TMEM255B: variants seen among roughly 807,000 people sequenced by gnomAD.
TMEM255B encodes the protein family with sequence similarity 70, member B.
In TMEM255B, 35 loss-of-function variants were observed where a neutral mutation model predicts 34.5. That is an observed-to-expected ratio of 1.01 (90% confidence interval 0.77 to 1.34). The LOEUF is 1.34. Among genes scored for constraint, TMEM255B ranks in the 40% most tolerant of loss-of-function variants. The pLI, the probability that TMEM255B is intolerant of heterozygous loss-of-function variation, is 0.00. For synonymous variants in TMEM255B, 206 were observed against 201.2 expected, an observed-to-expected ratio of 1.02 and a Z score of -0.20; for missense variants, 432 against 433.2, an observed-to-expected ratio of 1.00 and a Z score of 0.02.
rs1279364817 is a variant in TMEM255B at position 113,814,882 on chromosome 13, G to T, written c.*2979G>T. 1 of 146,594 alleles carries T rather than the reference G, an allele frequency of 6.8e-6. No individual in the cohort carries two copies. Among genetic ancestry groups the T allele is most frequent in the Non-Finnish European group, 1.5e-5 (1 of 66,556 alleles). The allele number at this position is 146,594 out of a possible 1,614,324, so 9.1% of individuals were successfully genotyped here. On this transcript the variant is annotated 3_prime_UTR_variant, in exon 9 of 9. Transcript: ENST00000375353. ...GCAGGGGGTGCTGGGGGGTTTGGGG[G>T]TGCTGTGGCCCCGGGGCAGGGGGTG...
intron 2 of TMEM255B, chr13:113,766,607 G>T: frequency 2.8e-6 from 1 of 358,550 alleles, no homozygotes; most frequent in South Asian, 2.6e-5. Flanking sequence ...GGTGGAGGAG[G>T]GGCCAGGAGC....
chr13:113,768,484 C>A (rs1321515235), intron 2 of TMEM255B, among the ~76,000 whole-genome samples: 1 of 152,194 alleles, frequency 6.6e-6, no homozygotes, highest in Non-Finnish European at 1.5e-5. Flanking sequence ...CTCTGCCGGA[C>A]CCCTGGTGGC....
chr13:113,813,495 A>T lies in TMEM255B; in HGVS notation c.*1592A>T, dbSNP rs368690482. ...GGAGAAAAAAGATAAGGTGGAGGGGAGCCACACTCGTGCAGACACAGCCTC... is the reference window on the plus strand; with the variant it reads ...GGAGAAAAAAGATAAGGTGGAGGGGTGCCACACTCGTGCAGACACAGCCTC... On this transcript the variant is annotated 3_prime_UTR_variant, in exon 9 of 9. Transcript: ENST00000375353. 5 of 152,338 alleles carry T rather than the reference A, an allele frequency of 3.3e-5. No individual in the cohort carries two copies. The East Asian group carries it at 7.8e-4, about 24-fold the overall frequency. 9.4% of individuals were successfully genotyped at this position (152,338 alleles called of 1,614,324 possible).
At chr13:113,807,648 A>G (rs8002233) in intron 8 of TMEM255B, among the ~76,000 whole-genome samples, 4,242 of 83,748 alleles carry the variant, frequency 0.051, 370 homozygotes, top group African/African-American at 0.2. Context: ...TGTCACACGC[A>G]GGCTTACGGG....
In TMEM255B at chr13:113,782,684, C is replaced by CGG. The variant is rs1566729280; in HGVS notation, c.253-12464_253-12463insGG. 4.1e-4 allele frequency among the ~76,000 whole-genome samples: 57 copies of CGG among 137,376 alleles called. No homozygotes were observed. In the South Asian group the frequency reaches 0.013, roughly 32 times the overall value. 90.1% of individuals were successfully genotyped at this position (137,376 alleles called of 152,430 possible). A position where few individuals can be genotyped will look rare whatever the true frequency, so the allele number is the denominator to read the frequency against. The stretch of plus-strand genomic sequence containing the variant: ...CTCCTGTGATGGTCGGAGGGGGGGG[C>CGG]TTCATTATGAGCCCCACCTGAACGG... On this transcript the variant is annotated intron_variant, in intron 3 of 8. Coordinates refer to ENST00000375353, the MANE Select transcript of TMEM255B (RefSeq NM_182614.4).
chr13:113,778,588 G>A (rs1023378839), intron 3 of TMEM255B, among the ~76,000 whole-genome samples: 2 of 151,350 alleles, frequency 1.3e-5, no homozygotes, highest in African/African-American at 4.9e-5. Flanking sequence ...GTGGTACTGT[G>A]GCGTCTTCTC....
intron 3 of TMEM255B, among the ~76,000 whole-genome samples, chr13:113,794,029 T>C (rs1275652788): frequency 6.6e-6 from 1 of 152,208 alleles, no homozygotes; most frequent in Non-Finnish European, 1.5e-5. Flanking sequence ...TGGATTTGGC[T>C]TCTCTTTGGG....
chr13:113,777,972 G>A (rs1301103941), intron 3 of TMEM255B, among the ~76,000 whole-genome samples: 3 of 152,232 alleles, frequency 2.0e-5, no homozygotes, highest in African/African-American at 4.8e-5. Flanking sequence ...ACTGTGGACC[G>A]GTCAGGGCTG....
At chr13:113,791,228 C>T (rs1037952664) in intron 3 of TMEM255B, among the ~76,000 whole-genome samples, 1 of 152,216 alleles carries the variant, frequency 6.6e-6, no homozygotes. Context: ...AGGTGAACAT[C>T]TAGGGCCAGC....
chr13:113,762,392 C>T (rs994898317), intron 1 of TMEM255B, among the ~76,000 whole-genome samples: 2 of 152,160 alleles, frequency 1.3e-5, no homozygotes, highest in East Asian at 3.9e-4. Flanking sequence ...CCATTGCTCC[C>T]AGTGCCCCAT....
At chr13:113,785,109 G>A (rs554262423) in intron 3 of TMEM255B, among the ~76,000 whole-genome samples, 7 of 152,346 alleles carry the variant, frequency 4.6e-5, no homozygotes, top group South Asian at 4.1e-4. Context: ...GTTTCTGGTC[G>A]GAGGTGTCAT....
rs769435358 is a variant in TMEM255B, at chr13:113,801,752, C to CTGCA, written c.609_610insTGCA (p.Val204CysfsTer86). 6 of 1,613,012 alleles carry CTGCA rather than the reference C, an allele frequency of 3.7e-6. No homozygotes were observed. The South Asian group carries it at 6.6e-5, about 18-fold the overall frequency. The stretch of plus-strand genomic sequence containing the variant: ...TGCTCTGGGCCTCTGCAGTTCTGAA[C>CTGCA]GTCCTGGGCCTGTTCCTGGGCATCA... On this transcript the variant is annotated frameshift_variant, in exon 7 of 9. Coordinates refer to ENST00000375353, the MANE Select transcript of TMEM255B (RefSeq NM_182614.4). LOFTEE classifies it high-confidence loss of function.
At chr13:113,765,896 C>T (rs895280477) in intron 1 of TMEM255B, among the ~76,000 whole-genome samples, 5 of 152,176 alleles carry the variant, frequency 3.3e-5, no homozygotes, top group South Asian at 2.1e-4. Context: ...TAGGTTTGGC[C>T]GCAAATACCA....
At chr13:113,765,382 T>C (rs78799400) in intron 1 of TMEM255B, among the ~76,000 whole-genome samples, 1 of 152,360 alleles carries the variant, frequency 6.6e-6, no homozygotes, top group East Asian at 1.9e-4. Flanking sequence ...AGTGTAAATC[T>C]TCAGATGCGG....
chr13:113,783,472 C>G (rs1282998335), intron 3 of TMEM255B, among the ~76,000 whole-genome samples: 2 of 152,078 alleles, frequency 1.3e-5, no homozygotes, highest in African/African-American at 4.8e-5. Context: ...CAATGTCATG[C>G]CAAGTTAAAG....
chr13:113,761,975 G>A (rs1173082371), intron 1 of TMEM255B, among the ~76,000 whole-genome samples: 1 of 152,136 alleles, frequency 6.6e-6, no homozygotes, highest in African/African-American at 2.4e-5. Flanking sequence ...GACCCAGAAT[G>A]GTTTGGGTCC....
chr13:113,772,504 CT>C (rs1291001843), intron 3 of TMEM255B, among the ~76,000 whole-genome samples: 2 of 152,074 alleles, frequency 1.3e-5, no homozygotes, highest in Non-Finnish European at 2.9e-5. Context: ...TTTGAGTTAA[CT>C]TTTGCGTATG....
In TMEM255B at chr13:113,759,237, T is replaced by A; in HGVS notation, c.-33T>A. 8.2e-7 allele frequency: 1 copy of A among 1,226,928 alleles called. No homozygotes were observed. Among genetic ancestry groups the A allele is most frequent in the Non-Finnish European group, 1.0e-6 (1 of 984,834 alleles). 76.0% of individuals were successfully genotyped at this position (1,226,928 alleles called of 1,614,324 possible). A position where few individuals can be genotyped will look rare whatever the true frequency, so the allele number is the denominator to read the frequency against. On this transcript the variant is annotated 5_prime_UTR_variant, in exon 1 of 9. Coordinates refer to ENST00000375353, the MANE Select transcript of TMEM255B (RefSeq NM_182614.4). Reference sequence around the variant, plus strand: ...CGGCTCCTGGCGGCGGGACTGTGGCTGTGGCCCCGGGAGAGCCGGGTGGGG... The same window carrying A: ...CGGCTCCTGGCGGCGGGACTGTGGCAGTGGCCCCGGGAGAGCCGGGTGGGG...
In TMEM255B at chr13:113,811,853, G is replaced by T. The variant is rs556601780; in HGVS notation, c.931G>T (p.Ala311Ser). ...GLPGQAPPCY[A>S]PTYFPPGEKP... ...TCCCGGCCAGGCTCCACCGTGCTAC[G>T]CACCCACCTACTTTCCCCCGGGGGA... The change falls in exon 9 of 9, where the codon GCA (alanine) becomes TCA (serine). Residue 311 changes from alanine (A) to serine (S), a missense_variant. Physicochemically the swap from Ala to Ser is moderately conservative, Grantham distance 99. Transcript: ENST00000375353. The T allele has an allele frequency of 6.2e-7, 1 of 1,613,604 alleles. No homozygotes were observed. Among genetic ancestry groups the T allele is most frequent in the African/African-American group, 1.3e-5 (1 of 74,842 alleles).
Sources: allele counts gnomAD v4.1 joint callset (sites outside exome capture counted in the v4.1 genomes callset), GRCh38; gene constraint gnomAD v4.1.1; transcripts MANE v1.5; gene names NCBI Gene and HGNC (gene_info 2026-07-23, HGNC 2026-07-21).